Variants in DPP10 observed in about 807,000 individuals in gnomAD.
The protein encoded by DPP10 is inactive dipeptidyl peptidase 10.
A neutral mutation model predicts 120.9 loss-of-function variants in DPP10; 33 were observed. The observed-to-expected ratio is 0.27, with a 90% CI of 0.21 to 0.37. The LOEUF (loss-of-function observed/expected upper bound fraction) is 0.37, where lower values mean the gene tolerates loss of function less well. DPP10 is among the 10% of genes least tolerant of loss of function. DPP10 has a pLI of 1.00. For missense variants in DPP10, 816 were observed against 942.8 expected (o/e 0.87, Z 1.76); for synonymous variants, 337 against 326.1 (o/e 1.03, Z -0.36).
chr2:114,465,793 A>G (rs963224553), intron 1 of DPP10, among the ~76,000 whole-genome samples: 1 of 152,264 alleles, frequency 6.6e-6, no homozygotes, highest in Non-Finnish European at 1.5e-5. Context: ...TGATCAAATC[A>G]GAGTAATTAG....
chr2:114,893,188 C>CAA (rs1692682766), intron 1 of DPP10, among the ~76,000 whole-genome samples: 1 of 152,090 alleles, frequency 6.6e-6, no homozygotes, highest in Non-Finnish European at 1.5e-5. Context: ...AATTCTTTGT[C>CAA]AAGAAACATC....
intron 3 of DPP10, among the ~76,000 whole-genome samples, chr2:115,497,456 C>G (rs2076458967): frequency 6.6e-6 from 1 of 151,970 alleles, no homozygotes; most frequent in South Asian, 2.1e-4. Flanking sequence ...TTTTGCCTGC[C>G]TTTTGAGAGA....
intron 8 of DPP10, among the ~76,000 whole-genome samples, chr2:115,729,980 G>C (rs1387516683): frequency 6.6e-6 from 1 of 152,170 alleles, no homozygotes; most frequent in Non-Finnish European, 1.5e-5. Context: ...TAAAATTTGA[G>C]ACAAAGGAAG....
intron 3 of DPP10, among the ~76,000 whole-genome samples, chr2:115,444,630 G>A (rs1181683988): frequency 6.6e-6 from 1 of 152,148 alleles, no homozygotes; most frequent in Admixed American, 6.5e-5. Flanking sequence ...AAGTTCCAAA[G>A]TGTTTTAGTT....
chr2:115,098,243 A>T (rs1322921290), intron 1 of DPP10, among the ~76,000 whole-genome samples: 1 of 152,110 alleles, frequency 6.6e-6, no homozygotes, highest in African/African-American at 2.4e-5. Flanking sequence ...AAGTTGGGGG[A>T]GTAACAGCTT....
At chr2:115,740,373 A>T (rs1677101793) in intron 9 of DPP10, among the ~76,000 whole-genome samples, 1 of 152,162 alleles carries the variant, frequency 6.6e-6, no homozygotes, top group Non-Finnish European at 1.5e-5. Flanking sequence ...TTCTATAAAA[A>T]ATAGACTATG....
At chr2:115,136,496 G>T (rs2050659007) in intron 1 of DPP10, among the ~76,000 whole-genome samples, 1 of 152,156 alleles carries the variant, frequency 6.6e-6, no homozygotes, top group African/African-American at 2.4e-5. Flanking sequence ...CTTCTTGAAA[G>T]CTCATGTATA....
chr2:115,719,988 T>C (rs977782969), intron 7 of DPP10, among the ~76,000 whole-genome samples: 1 of 152,178 alleles, frequency 6.6e-6, no homozygotes, highest in Non-Finnish European at 1.5e-5. Flanking sequence ...CCAAGAACAT[T>C]TTTGTATGCG....
At chr2:114,812,363 A>T (rs999894296) in intron 1 of DPP10, among the ~76,000 whole-genome samples, 1 of 152,110 alleles carries the variant, frequency 6.6e-6, no homozygotes, top group Admixed American at 6.6e-5. Flanking sequence ...GCGCTTTGGG[A>T]GGCCAAAGTG....
rs1163154705 is a variant in DPP10 at position 115,845,180 on chromosome 2, A to C, written c.*2835A>C. On this transcript the variant is annotated 3_prime_UTR_variant, in exon 26 of 26. Coordinates refer to ENST00000410059, the MANE Select transcript of DPP10 (RefSeq NM_020868.6). ...AAGTACCTTGGACTGAATTGCTTTC[A>C]AGTCTCTAGAATCACTGACAGCACA... 1 of 152,166 alleles carries C rather than the reference A, an allele frequency of 6.6e-6. No homozygotes were observed. Among genetic ancestry groups the C allele is most frequent in the Non-Finnish European group, 1.5e-5 (1 of 68,028 alleles). The allele number at this position is 152,166 out of a possible 1,614,324, so 9.4% of individuals were successfully genotyped here.
chr2:115,618,371 CCTT>C (rs1435405128), intron 5 of DPP10, among the ~76,000 whole-genome samples: 1 of 152,044 alleles, frequency 6.6e-6, no homozygotes, highest in Non-Finnish European at 1.5e-5. Context: ...GTCGTGAAAG[CCTT>C]CTGTGAGAAG....
At chr2:114,716,491 T>C (rs1241621578) in intron 1 of DPP10, among the ~76,000 whole-genome samples, 2 of 152,162 alleles carry the variant, frequency 1.3e-5, no homozygotes, top group Non-Finnish European at 1.5e-5. Context: ...TATACCAAAC[T>C]GTACACAGGA....
chr2:115,137,096 GGA>G (rs1216993444), intron 1 of DPP10, among the ~76,000 whole-genome samples: 3 of 152,100 alleles, frequency 2.0e-5, no homozygotes, highest in Non-Finnish European at 4.4e-5. Flanking sequence ...TGTGTGGGAG[GGA>G]GAGAGGAGTT....
At chr2:114,835,711 C>T (rs1687678853) in intron 1 of DPP10, 1 of 152,124 alleles carries the variant, frequency 6.6e-6, no homozygotes, top group African/African-American at 2.4e-5. Flanking sequence ...ACTCCAGAAC[C>T]ATTTGTAAAA....
At chr2:114,861,403 T>C (rs1305598597) in intron 1 of DPP10, among the ~76,000 whole-genome samples, 1 of 152,210 alleles carries the variant, frequency 6.6e-6, no homozygotes, top group African/African-American at 2.4e-5. Context: ...TGAGGTCCTT[T>C]TCTCACAAAA....
chr2:115,114,789 T>C (rs2049412638), intron 1 of DPP10, among the ~76,000 whole-genome samples: 1 of 152,134 alleles, frequency 6.6e-6, no homozygotes, highest in South Asian at 2.1e-4. Flanking sequence ...AAATTACTTT[T>C]CGCCTGCCTC....
intron 1 of DPP10, among the ~76,000 whole-genome samples, chr2:115,047,466 C>T (rs1198641081): frequency 6.6e-6 from 1 of 151,862 alleles, no homozygotes; most frequent in Non-Finnish European, 1.5e-5. Context: ...ATATTTTTCT[C>T]TGGTCATATT....
chr2:114,881,578 A>ATCTATCTGTCTG (rs1281044326), intron 1 of DPP10, among the ~76,000 whole-genome samples: 13 of 99,162 alleles, frequency 1.3e-4, no homozygotes, highest in African/African-American at 3.6e-4. Context: ...CTATCTATCT[A>ATCTATCTGTCTG]TCTGTCTGTC....
chr2:114,954,274 A>G (rs532936548), intron 1 of DPP10, among the ~76,000 whole-genome samples: 17 of 151,952 alleles, frequency 1.1e-4, no homozygotes, highest in Admixed American at 8.5e-4. Context: ...TAGTAGAGAC[A>G]GGGTTTCACC....
Sources: gnomAD v4.1 joint callset for allele counts (sites outside exome capture counted in the v4.1 genomes callset) on GRCh38, gnomAD v4.1.1 for gene constraint, MANE v1.5 for transcripts, NCBI Gene and HGNC (gene_info 2026-07-23, HGNC 2026-07-21) for gene names.